Variants in CTBP2 observed in about 807,000 individuals in gnomAD.
The protein encoded by CTBP2 is C-terminal-binding protein 2.
CTBP2 carries 30 observed loss-of-function variants against 80.3 expected under a neutral mutation model. That is an observed-to-expected ratio of 0.37 (90% CI 0.28 to 0.51). The LOEUF is 0.51. CTBP2 is among the 20% of genes least tolerant of loss of function. The probability of loss-of-function intolerance (pLI) is 0.93; values close to 1 mark genes in which losing one functional copy is unlikely to be tolerated. For synonymous variants in CTBP2, 594 were observed against 587.4 expected, an observed-to-expected ratio of 1.01 and a Z score of -0.16; for missense variants, 1,212 against 1,375.3, an observed-to-expected ratio of 0.88 and a Z score of 1.88.
upstream of CTBP2, among the ~76,000 whole-genome samples, chr10:125,031,488 CAAAAAAAAA>C (rs11463934): frequency 3.0e-4 from 10 of 33,696 alleles, no homozygotes; most frequent in East Asian, 1.7e-3. Context: ...GACTCCATTT[CAAAAAAAAA>C]AAAAAAAAAA....
At chr10:125,024,897 C>G (rs979174547) in intron 1 of CTBP2, among the ~76,000 whole-genome samples, 1 of 152,164 alleles carries the variant, frequency 6.6e-6, no homozygotes, top group Non-Finnish European at 1.5e-5. Flanking sequence ...AGAATCTATA[C>G]GACAAAGCAG....
rs564257778 is a variant in CTBP2, at chr10:125,005,833, G to A, written c.1679-2341C>T. ...TGCCCCAGGCGGTCGCCCACACACA[G>A]TGAGGAACACCCCAACTTCACTTTC... On this transcript the variant is annotated intron_variant, in intron 1 of 8. Transcript: ENST00000309035. The A allele has an allele frequency of 7.5e-6, 12 of 1,597,262 alleles. No individual in the cohort carries two copies. The Admixed American group carries it at 1.9e-4, about 25-fold the overall frequency.
intron 1 of CTBP2, among the ~76,000 whole-genome samples, chr10:125,149,644 T>G (rs1383277305): frequency 6.6e-6 from 1 of 152,190 alleles, no homozygotes; most frequent in East Asian, 1.9e-4. Flanking sequence ...TGCTCACAAG[T>G]GTACACACGT....
intron 1 of CTBP2, among the ~76,000 whole-genome samples, chr10:125,145,521 C>T (rs530780867): frequency 6.6e-6 from 1 of 152,206 alleles, no homozygotes; most frequent in Admixed American, 6.5e-5. Flanking sequence ...CGGCAGGGGG[C>T]CAGAGAAGGT....
intron 3 of CTBP2, among the ~76,000 whole-genome samples, chr10:125,036,759 G>A (rs1416351479): frequency 1.3e-5 from 2 of 151,318 alleles, no homozygotes; most frequent in African/African-American, 4.9e-5. Flanking sequence ...GGAAGAAAGA[G>A]CTGAATCCAA....
At chr10:125,050,708 A>C (rs910619489) in intron 2 of CTBP2, among the ~76,000 whole-genome samples, 2 of 152,234 alleles carry the variant, frequency 1.3e-5, no homozygotes, top group South Asian at 4.1e-4. Context: ...CCTGTTTCAC[A>C]GTGGCTTCCA....
Position 125,063,465 on chromosome 10 carries a change from C to T in CTBP2, c.-101-24310G>A, listed in dbSNP as rs76355478. Among the ~76,000 whole-genome samples the T allele has an allele frequency of 7.0e-3, 1,071 of 152,280 alleles. 9 individuals carry two copies. The highest frequency in any genetic ancestry group is 0.025 in the African/African-American group (1,036 of 41,550). On this transcript the variant is annotated intron_variant, in intron 2 of 10. Transcript: ENST00000337195. Reference sequence around the variant, plus strand: ...GACACCCCAGGATAACACCCAAACACGTCGACTCGTGCGAAAGGCCTCATG... The same window carrying T: ...GACACCCCAGGATAACACCCAAACATGTCGACTCGTGCGAAAGGCCTCATG...
chr10:125,158,015 T>C (rs1861240735), intron 1 of CTBP2, among the ~76,000 whole-genome samples: 1 of 152,230 alleles, frequency 6.6e-6, no homozygotes, highest in African/African-American at 2.4e-5. Context: ...TGTTTCAACA[T>C]TAAAGCAGCT....
chr10:124,992,659 C>G (rs1952846174), intron 8 of CTBP2, 36 bp downstream of exon 10: 4 of 1,516,916 alleles, frequency 2.6e-6, no homozygotes, highest in Non-Finnish European at 3.6e-6. Context: ...GGCCGTGGTG[C>G]TCACAAGCTG....
In CTBP2 at chr10:124,985,272, C is replaced by A; in HGVS notation, c.*4246G>T. The A allele has an allele frequency of 3.1e-6, 1 of 318,522 alleles. No individual in the cohort carries two copies. Among genetic ancestry groups the A allele is most frequent in the Non-Finnish European group, 5.7e-6 (1 of 174,210 alleles). The allele number at this position is 318,522 out of a possible 1,614,324, so 19.7% of individuals were successfully genotyped here. ...ATTGTAAATCTGTCTATAAATGTAA[C>A]GCATGTGGTTGTGTAAGACATTGTT... On this transcript the variant is annotated 3_prime_UTR_variant, in exon 9 of 9. Coordinates refer to ENST00000309035, the MANE Select transcript of CTBP2 (RefSeq NM_022802.3).
At position 125,026,631 on chromosome 10, in the gene CTBP2, C is replaced by T. The variant is rs777504170; in HGVS notation, c.1129G>A (p.Glu377Lys). ...GAAGCCAAGTCACCATGGAGCAGTTCGCTTCGGTGGCTGAAGCTGCTGGAC... is the reference window on the plus strand; with the variant it reads ...GAAGCCAAGTCACCATGGAGCAGTTTGCTTCGGTGGCTGAAGCTGCTGGAC... The change falls in exon 1 of 9, where the codon GAA (glutamate) becomes AAA (lysine). Residue 377 changes from glutamate to lysine, a missense_variant. Around this residue, in one of 3 missense-constraint regions of CTBP2, gnomAD observed 848 missense variants for 782.3 expected, o/e 1.08. Coordinates refer to ENST00000309035, the MANE Select transcript of CTBP2 (RefSeq NM_022802.3). The T allele has an allele frequency of 4.4e-5, 70 of 1,575,576 alleles. No homozygotes were observed. Among genetic ancestry groups the T allele is most frequent in the Non-Finnish European group, 5.8e-5 (67 of 1,161,362 alleles).
chr10:125,081,015 T>G (rs180953721), intron 2 of CTBP2, among the ~76,000 whole-genome samples: 9 of 151,304 alleles, frequency 5.9e-5, no homozygotes, highest in Admixed American at 1.3e-4. Context: ...GGACTCGATC[T>G]TAGCCAAGTG....
Position 125,101,959 on chromosome 10 carries a change from T to C in CTBP2, c.-102+9031A>G, listed in dbSNP as rs574173597. Among the ~76,000 whole-genome samples, 19 of 152,294 alleles carry C rather than the reference T, an allele frequency of 1.2e-4. No individual in the cohort carries two copies. The Middle Eastern group carries it at 0.02, about 164-fold the overall frequency. ...CCTCGATCGCTGAAACAATGCACAT[T>C]GTACCCACCAAGCCACCTCTCATCA... On this transcript the variant is annotated intron_variant, in intron 2 of 10. Coordinates refer to the CTBP2 transcript ENST00000337195.
intron 1 of CTBP2, among the ~76,000 whole-genome samples, chr10:125,008,967 T>C (rs569427277): frequency 1.2e-4 from 18 of 152,356 alleles, no homozygotes; most frequent in African/African-American, 4.3e-4. Flanking sequence ...TACTTCCTCC[T>C]TCCTTTGTTC....
chr10:125,014,399 C>T (rs1215368581), intron 1 of CTBP2, among the ~76,000 whole-genome samples: 1 of 152,226 alleles, frequency 6.6e-6, no homozygotes, highest in East Asian at 1.9e-4. Flanking sequence ...CTGCAGTGAG[C>T]TATGAGTGTG....
chr10:125,104,857 T>TA (rs1851215020), intron 2 of CTBP2, among the ~76,000 whole-genome samples: 2 of 152,222 alleles, frequency 1.3e-5, no homozygotes, highest in African/African-American at 4.8e-5. Context: ...CAGCTGGTGT[T>TA]AAATGAATGC....
intron 1 of CTBP2, among the ~76,000 whole-genome samples, chr10:125,010,987 T>C (rs527918095): frequency 6.6e-6 from 1 of 152,362 alleles, no homozygotes; most frequent in African/African-American, 2.4e-5. Context: ...GGGCTCTTAC[T>C]TGTGAACAAT....
At chr10:125,014,558 G>A (rs373886872) in intron 1 of CTBP2, among the ~76,000 whole-genome samples, 27 of 152,340 alleles carry the variant, frequency 1.8e-4, no homozygotes, top group African/African-American at 3.6e-4. Context: ...CAATGCACAC[G>A]AGGTTGACCT....
At position 125,026,328 on chromosome 10, in the gene CTBP2, T is replaced by C; in HGVS notation, c.1432A>G (p.Thr478Ala). The C allele has an allele frequency of 6.2e-7, 1 of 1,613,850 alleles. No individual in the cohort carries two copies. Among genetic ancestry groups the C allele is most frequent in the Admixed American group, 1.7e-5 (1 of 60,008 alleles). The change falls in exon 1 of 9, where the codon ACA becomes GCA. Residue 478 changes from threonine to alanine, a missense_variant. Thr to Ala is a moderately conservative substitution (Grantham distance 58, BLOSUM62 0). Transcript: ENST00000309035. ...ACCGTGTATGCCGTGGAGTAGGCTG[T>C]TCTGGGGCCTGGGTGAAGGGGGTTT...
Sources: allele counts gnomAD v4.1 joint callset (sites outside exome capture counted in the v4.1 genomes callset), GRCh38; gene constraint gnomAD v4.1.1; regional missense constraint gnomAD v4.1.1; transcripts MANE v1.5; gene names NCBI Gene and HGNC (gene_info 2026-07-23, HGNC 2026-07-21).